DGKH: variants seen among roughly 807,000 people sequenced by gnomAD.
The protein encoded by DGKH is DAG kinase eta.
DGKH carries 90 observed loss-of-function variants against 159.3 expected under a neutral mutation model. That is an observed-to-expected ratio of 0.57 (90% CI 0.48 to 0.67). The LOEUF is 0.67. Among genes scored for constraint, DGKH ranks in the 30% least tolerant of loss-of-function variants. The pLI is 0.00. For missense variants in DGKH, 1,181 were observed against 1,506.1 expected (o/e 0.78, Z 3.57); for synonymous variants, 536 against 553.8 (o/e 0.97, Z 0.45).
In DGKH at chr13:42,254,782, A is replaced by G. The variant is rs147407287; in HGVS notation, n.4128-1502A>G. Among the ~76,000 whole-genome samples the G allele has an allele frequency of 5.1e-4, 77 of 152,310 alleles. No homozygotes were observed. The East Asian group carries it at 0.015, about 29-fold the overall frequency. Reference sequence around the variant, plus strand: ...TATACATATGTGTACGTATGTGTGTATATACTAATATAAATTCTGGATGAA... The same window carrying G: ...TATACATATGTGTACGTATGTGTGTGTATACTAATATAAATTCTGGATGAA... On this transcript the variant is annotated intron_variant and non_coding_transcript_variant, in intron 30 of 30. Transcript: ENST00000498255.
At chr13:42,111,323 G>A (rs1308132940) in intron 1 of DGKH, among the ~76,000 whole-genome samples, 1 of 152,228 alleles carries the variant, frequency 6.6e-6, no homozygotes, top group African/African-American at 2.4e-5. Context: ...GCTCATGCCT[G>A]TAATCCCAGT....
intron 1 of DGKH, among the ~76,000 whole-genome samples, chr13:42,056,503 G>T (rs1265985842): frequency 6.6e-6 from 1 of 151,942 alleles, no homozygotes; most frequent in Non-Finnish European, 1.5e-5. Flanking sequence ...GCATTTTATT[G>T]GTTACAGAGC....
intron 1 of DGKH, among the ~76,000 whole-genome samples, chr13:42,078,213 A>G (rs1351697762): frequency 6.6e-6 from 1 of 152,240 alleles, no homozygotes; most frequent in Non-Finnish European, 1.5e-5. Context: ...GCAGAAAGGG[A>G]TTTAATTCAG....
chr13:42,249,870 C>T lies in DGKH; in HGVS notation n.4055-2539C>T, dbSNP rs1958608382. On this transcript the variant is annotated intron_variant and non_coding_transcript_variant, in intron 29 of 30. Transcript: ENST00000498255. ...CTTGGGAAGGGGTTTGGGACACCAA[C>T]ATTTGAATCACTCTCCTTCATTGAT... Among the ~76,000 whole-genome samples, 4 of 152,202 alleles carry T rather than the reference C, an allele frequency of 2.6e-5. No individual in the cohort carries two copies. In the South Asian group the frequency reaches 8.3e-4, roughly 32 times the overall value.
At chr13:42,040,553 G>A (rs894837523) in intron 1 of DGKH, among the ~76,000 whole-genome samples, 5 of 151,804 alleles carry the variant, frequency 3.3e-5, no homozygotes, top group African/African-American at 1.2e-4. Flanking sequence ...CGCCGGGGGC[G>A]GAGGAAGGAG....
At chr13:42,126,954 G>A (rs971154057) in intron 1 of DGKH, among the ~76,000 whole-genome samples, 4 of 152,110 alleles carry the variant, frequency 2.6e-5, no homozygotes, top group Non-Finnish European at 4.4e-5. Flanking sequence ...GTCCTTTAAC[G>A]TGTTTTTCAT....
At chr13:42,253,823 A>G (rs1958637294) in intron 30 of DGKH, among the ~76,000 whole-genome samples, 1 of 152,252 alleles carries the variant, frequency 6.6e-6, no homozygotes. Flanking sequence ...ACCGTTCAAT[A>G]TGGTAGCCAC....
In DGKH at chr13:42,138,665, C is replaced by A. The variant is rs180942656; in HGVS notation, c.384+9033C>A. Among the ~76,000 whole-genome samples the A allele has an allele frequency of 5.3e-5, 8 of 152,220 alleles. No individual in the cohort carries two copies. The East Asian group carries it at 7.7e-4, about 15-fold the overall frequency. On this transcript the variant is annotated intron_variant, in intron 3 of 29. Coordinates refer to ENST00000337343, the MANE Select transcript of DGKH (RefSeq NM_178009.5). ...TATATTATACCCATAAATTCTTGCA[C>A]CCTCATTGAAATATTTATGTAATGA...
Position 42,229,104 on chromosome 13 carries a change from G to A in DGKH, c.3579G>A (p.Leu1193=). ...TTTCTGTTCTTTTATTTTAGGATCT[G>A]GGGATACCGAAAGTGGGTCATGTGA... The part of the protein sequence containing the change: ...LHLERRDLKD[L]GIPKVGHVKR... Residue 1193 remains leucine (L), a synonymous_variant, in exon 30 of 30, where the codon CTG becomes CTA. Coordinates refer to ENST00000337343, the MANE Select transcript of DGKH (RefSeq NM_178009.5). The A allele has an allele frequency of 1.4e-5, 22 of 1,608,626 alleles. No individual in the cohort carries two copies. The highest frequency in any genetic ancestry group is 1.8e-5 in the Non-Finnish European group (21 of 1,178,018).
chr13:42,254,920 T>TAGTC (rs138419790), intron 30 of DGKH, among the ~76,000 whole-genome samples: 2,181 of 152,268 alleles, frequency 0.014, 36 homozygotes, highest in East Asian at 0.04. Context: ...GATGCTTTCA[T>TAGTC]AGAAAAAGCA....
rs187491178 is a variant in DGKH at position 42,230,839 on chromosome 13, A to G, written c.*1651A>G. 1.4e-3 allele frequency: 207 copies of G among 152,218 alleles called. No individual in the cohort carries two copies. The highest frequency in any genetic ancestry group is 4.4e-3 in the African/African-American group (181 of 41,524). The allele number at this position is 152,218 out of a possible 1,614,324, so 9.4% of individuals were successfully genotyped here. A position where few individuals can be genotyped will look rare whatever the true frequency, so the allele number is the denominator to read the frequency against. On this transcript the variant is annotated 3_prime_UTR_variant, in exon 30 of 30. Transcript: ENST00000337343. ...AATAGGCGAGCATTTAAAATGAACT[A>G]TTGTCAGGCATATTATTTAATTACA...
chr13:42,093,210 C>T (rs1276745776), intron 1 of DGKH, among the ~76,000 whole-genome samples: 1 of 151,022 alleles, frequency 6.6e-6, no homozygotes, highest in African/African-American at 2.4e-5. Flanking sequence ...TGCTACTGCA[C>T]TCCAGCCTGG....
intron 30 of DGKH, chr13:42,256,106 C>A: frequency 1.7e-6 from 2 of 1,198,768 alleles, no homozygotes; most frequent in Non-Finnish European, 2.5e-6. Context: ...TAGTATCATG[C>A]CAGGCAAGGT....
intron 20 of DGKH, among the ~76,000 whole-genome samples, chr13:42,202,839 G>A (rs1032710178): frequency 6.6e-6 from 1 of 152,076 alleles, no homozygotes; most frequent in African/African-American, 2.4e-5. Flanking sequence ...AACATTTTTT[G>A]TAAGAAGGAT....
rs1226927448 is a variant in DGKH at position 42,129,642 on chromosome 13, T to G, written c.384+10T>G. 5 of 1,608,198 alleles carry G rather than the reference T, an allele frequency of 3.1e-6. No homozygotes were observed. The highest frequency in any genetic ancestry group is 4.3e-6 in the Non-Finnish European group (5 of 1,176,342). ...TAACAACAGCTTCACGGTATGGTTA[T>G]ATTCTGCTAACTCCCTTCTCAAAAG... On this transcript the variant is annotated intron_variant, in intron 3 of 29. Transcript: ENST00000337343.
At chr13:42,209,270 A>C in intron 22 of DGKH, 61 bp from the exon 23 acceptor site, 1 of 1,566,446 alleles carries the variant, frequency 6.4e-7, no homozygotes, top group South Asian at 1.2e-5. Context: ...AAGCCTTCAT[A>C]AAGATTGAGT....
In DGKH at chr13:42,048,783, G is replaced by A; in HGVS notation, c.10G>A (p.Ala4Thr). 1.5e-6 allele frequency: 2 copies of A among 1,304,118 alleles called. No homozygotes were observed. Among genetic ancestry groups the A allele is most frequent in the Non-Finnish European group, 2.0e-6 (2 of 1,021,794 alleles). The allele number at this position is 1,304,118 out of a possible 1,614,324, so 80.8% of individuals were successfully genotyped here. A position where few individuals can be genotyped will look rare whatever the true frequency, so the allele number is the denominator to read the frequency against. ...GCAGGAGTCGGAGAGGATGGCAGGG[G>A]CCGGAGGCCAGCACCACCCTCCGGG... MAG[A>T]GGQHHPPGAA... Residue 4 changes from alanine to threonine, a missense_variant, in exon 1 of 30, where the codon GCC becomes ACC. Transcript: ENST00000337343. The surrounding 1 kb of genome is among the most constrained non-coding windows in gnomAD (Gnocchi z 6.7).
At chr13:42,248,184 G>T (rs1958595165) in intron 29 of DGKH, among the ~76,000 whole-genome samples, 1 of 152,130 alleles carries the variant, frequency 6.6e-6, no homozygotes, top group South Asian at 2.1e-4. Context: ...CACTTTGGGA[G>T]GCCCAGGCAG....
At chr13:42,102,145 A>C (rs1284626884) in intron 1 of DGKH, among the ~76,000 whole-genome samples, 1 of 152,204 alleles carries the variant, frequency 6.6e-6, no homozygotes. Context: ...AGGCTGAGTG[A>C]GGGAGTTGCA....
Sources: allele counts gnomAD v4.1 joint callset (sites outside exome capture counted in the v4.1 genomes callset), GRCh38; gene constraint gnomAD v4.1.1; non-coding constraint Gnocchi (gnomAD v3.1); transcripts MANE v1.5; gene names NCBI Gene and HGNC (gene_info 2026-07-23, HGNC 2026-07-21).